GABRA3: variants seen among roughly 807,000 people sequenced by gnomAD.
The protein encoded by GABRA3 is gamma-aminobutyric acid receptor subunit alpha-3.
Under a neutral mutation model 30.1 loss-of-function variants are expected in GABRA3, and 10 were observed. The ratio of observed to expected loss-of-function variants is 0.33; its 90% CI spans 0.20 to 0.56. The LOEUF (loss-of-function observed/expected upper bound fraction) is 0.56, where lower values mean the gene tolerates loss of function less well. Among genes scored for constraint, GABRA3 ranks in the 20% least tolerant of loss-of-function variants. The probability of loss-of-function intolerance (pLI) is 0.89; values close to 1 mark genes in which losing one functional copy is unlikely to be tolerated. For synonymous variants in GABRA3, 151 were observed against 146.8 expected (o/e 1.03, Z -0.21); for missense variants, 233 against 392.0 (o/e 0.59, Z 3.42).
At chrX:152,287,343 T>C (rs976643780) in intron 3 of GABRA3, among the ~76,000 whole-genome samples, 6 of 110,869 alleles carry the variant, frequency 5.4e-5, no homozygotes, top group African/African-American at 2.0e-4. Context: ...TCCCCATAAT[T>C]CCCATGTGTC....
chrX:152,423,611 G>A (rs765583635), intron 1 of GABRA3, among the ~76,000 whole-genome samples: 2 of 111,256 alleles, frequency 1.8e-5, no homozygotes, highest in Admixed American at 9.6e-5. Flanking sequence ...TATGAACTTG[G>A]GAAAGATGAA....
At chrX:152,393,553 A>G (rs1399261392) in intron 1 of GABRA3, 2 of 332,790 alleles carry the variant, frequency 6.0e-6, no homozygotes, top group African/African-American at 5.4e-5. Flanking sequence ...ACAAGAGTGA[A>G]TAACACAATG....
intron 3 of GABRA3, among the ~76,000 whole-genome samples, chrX:152,327,774 A>G (rs1219711753): frequency 2.7e-5 from 3 of 111,794 alleles, no homozygotes; most frequent in African/African-American, 3.3e-5. Context: ...TGACACCCTA[A>G]CATCACAATT....
chrX:152,264,562 C>A (rs1188694955), intron 4 of GABRA3, among the ~76,000 whole-genome samples: 1 of 110,412 alleles, frequency 9.1e-6, no homozygotes, highest in Non-Finnish European at 1.9e-5. Flanking sequence ...AAAACAATCA[C>A]AAGAAGGGAA....
At chrX:152,392,540 C>G (rs1289109983) in intron 1 of GABRA3, among the ~76,000 whole-genome samples, 1 of 111,601 alleles carries the variant, frequency 9.0e-6, no homozygotes, top group Non-Finnish European at 1.9e-5. Context: ...GAAAATTAGC[C>G]AGGGCTCACT....
chrX:152,272,587 G>A (rs1483341407), intron 4 of GABRA3, among the ~76,000 whole-genome samples: 1 of 111,814 alleles, frequency 8.9e-6, no homozygotes, highest in African/African-American at 3.3e-5. Context: ...AATAATTTGG[G>A]GGACTGTTGG....
chrX:152,371,588 G>GAA (rs34900966), intron 1 of GABRA3, among the ~76,000 whole-genome samples: 1 of 107,544 alleles, frequency 9.3e-6, no homozygotes, highest in Non-Finnish European at 1.9e-5. Flanking sequence ...CGATCATTTT[G>GAA]AAAAAAAAAT....
At chrX:152,427,669 G>A (rs1197414559) in intron 1 of GABRA3, among the ~76,000 whole-genome samples, 1 of 111,735 alleles carries the variant, frequency 8.9e-6, no homozygotes, top group Admixed American at 9.5e-5. Context: ...AAAAAGCAGG[G>A]GCCAGGTCTA....
chrX:152,169,561 G>T (rs1409704714), intron 9 of GABRA3, among the ~76,000 whole-genome samples: 1 of 111,814 alleles, frequency 8.9e-6, no homozygotes, highest in Admixed American at 9.5e-5. Flanking sequence ...CTTAGGCCTG[G>T]ATACAAACTG....
chrX:152,226,728 GAACA>G (rs1408361724), intron 5 of GABRA3, among the ~76,000 whole-genome samples: 40 of 111,778 alleles, frequency 3.6e-4, no homozygotes, highest in Non-Finnish European at 7.3e-4. Flanking sequence ...CGAAGGATAT[GAACA>G]GACACTTCTC....
At chrX:152,182,660 AG>A (rs1937187218) in intron 9 of GABRA3, among the ~76,000 whole-genome samples, 2 of 83,327 alleles carry the variant, frequency 2.4e-5, no homozygotes, top group African/African-American at 4.8e-5. Flanking sequence ...ATACATATAT[AG>A]TGTATATATA....
chrX:152,198,888 C>A (rs973834494), intron 7 of GABRA3, among the ~76,000 whole-genome samples: 2 of 112,104 alleles, frequency 1.8e-5, no homozygotes, highest in African/African-American at 3.2e-5. Flanking sequence ...TATGCTGAAG[C>A]CTTAGCCCCT....
intron 3 of GABRA3, among the ~76,000 whole-genome samples, chrX:152,309,340 A>G (rs1242875975): frequency 9.0e-6 from 1 of 111,321 alleles, no homozygotes; most frequent in Non-Finnish European, 1.9e-5. Flanking sequence ...CATAGTCATC[A>G]GATTCTCAAA....
intron 4 of GABRA3, among the ~76,000 whole-genome samples, chrX:152,256,940 G>C (rs768790480): frequency 9.0e-6 from 1 of 111,658 alleles, no homozygotes; most frequent in Non-Finnish European, 1.9e-5. Context: ...AGGTGGCAGA[G>C]AATCTGGACC....
At chrX:152,413,950 T>C (rs908522107) in intron 1 of GABRA3, among the ~76,000 whole-genome samples, 11 of 110,111 alleles carry the variant, frequency 1.0e-4, no homozygotes, top group Non-Finnish European at 2.1e-4. Context: ...GGACACAAGA[T>C]CAATATGCGA....
intron 3 of GABRA3, among the ~76,000 whole-genome samples, chrX:152,295,344 G>T (rs934657782): frequency 1.8e-5 from 2 of 112,730 alleles, no homozygotes; most frequent in Non-Finnish European, 3.8e-5. Context: ...GCTGTGGTGT[G>T]CTCCACCCAG....
At chrX:152,316,168 C>T (rs1939875616) in intron 3 of GABRA3, among the ~76,000 whole-genome samples, 1 of 110,144 alleles carries the variant, frequency 9.1e-6, no homozygotes, top group South Asian at 4.0e-4. Flanking sequence ...GACTGAGAGA[C>T]CTGAAGACAG....
chrX:152,299,866 A>C (rs1177650138), intron 3 of GABRA3, among the ~76,000 whole-genome samples: 4 of 112,063 alleles, frequency 3.6e-5, no homozygotes, highest in African/African-American at 1.3e-4. Flanking sequence ...TTTCTTTTAC[A>C]GGTTTGCTCC....
At chrX:152,253,699 C>G (rs918254929) in intron 5 of GABRA3, among the ~76,000 whole-genome samples, 1 of 111,558 alleles carries the variant, frequency 9.0e-6, no homozygotes, top group African/African-American at 3.3e-5. Flanking sequence ...CCAGTAACTA[C>G]AGAGCCATAT....
Sources: gnomAD v4.1 joint callset for allele counts (sites outside exome capture counted in the v4.1 genomes callset) on GRCh38, gnomAD v4.1.1 for gene constraint, MANE v1.5 for transcripts, NCBI Gene and HGNC (gene_info 2026-07-23, HGNC 2026-07-21) for gene names.